Variants in M1AP observed in about 807,000 individuals in gnomAD.
M1AP encodes meiosis 1 associated protein.
A neutral mutation model predicts 51.2 loss-of-function variants in M1AP; 39 were observed. The observed-to-expected ratio is 0.76, with a 90% confidence interval of 0.59 to 1.00. The LOEUF (loss-of-function observed/expected upper bound fraction) is 1.00. Among genes scored for constraint, M1AP ranks in the 50% least tolerant of loss-of-function variants. M1AP has a pLI of 0.00. For synonymous variants in M1AP, 251 were observed against 249.2 expected (o/e 1.01, Z -0.07); for missense variants, 545 against 641.2 (o/e 0.85, Z 1.62).
intron 1 of M1AP, among the ~76,000 whole-genome samples, chr2:74,640,903 A>G (rs1285276975): frequency 6.6e-6 from 1 of 152,228 alleles, no homozygotes; most frequent in African/African-American, 2.4e-5. Flanking sequence ...ATCTGCCCTC[A>G]TAAACTTTGT....
intron 8 of M1AP, chr2:74,561,785 G>T: frequency 1.8e-6 from 1 of 571,032 alleles, no homozygotes; most frequent in Non-Finnish European, 2.2e-6. Flanking sequence ...AGCTGGACCT[G>T]CTGGTGTTGT....
rs780156712 is a variant in M1AP at position 74,562,288 on chromosome 2, C to T, written c.1210G>A (p.Glu404Lys). 6 of 1,614,210 alleles carry T rather than the reference C, an allele frequency of 3.7e-6. No individual in the cohort carries two copies. The South Asian group carries it at 6.6e-5, about 18-fold the overall frequency. ...TLLVKAVATRELMLPSTFPLL... is the reference protein window; with the variant it reads ...TLLVKAVATRKLMLPSTFPLL... Reference sequence around the variant, plus strand: ...GGGAAGGTGCTGGGCAGCATCAGTTCCCGCGTGGCCACCGCCTTTACCAGC... The same window carrying T: ...GGGAAGGTGCTGGGCAGCATCAGTTTCCGCGTGGCCACCGCCTTTACCAGC... Residue 404 changes from glutamate to lysine, a missense_variant, in exon 8 of 11, where the codon GAA becomes AAA. Glu to Lys is a moderately conservative substitution (Grantham distance 56). Transcript: ENST00000421985.
intron 7 of M1AP, among the ~76,000 whole-genome samples, chr2:74,569,941 T>C (rs985404219): frequency 6.6e-6 from 1 of 151,124 alleles, no homozygotes; most frequent in Non-Finnish European, 1.5e-5. Context: ...TGTGAAAGGT[T>C]CTAGGAACAG....
chr2:74,634,486 C>T (rs961050048), intron 2 of M1AP, among the ~76,000 whole-genome samples: 1 of 152,146 alleles, frequency 6.6e-6, no homozygotes, highest in Admixed American at 6.5e-5. Flanking sequence ...TTCTAATTAG[C>T]CCATCACATC....
chr2:74,584,805 C>CATATAT (rs57709358), intron 4 of M1AP, among the ~76,000 whole-genome samples: 2,828 of 139,204 alleles, frequency 0.02, 48 homozygotes, highest in African/African-American at 0.056. Flanking sequence ...ATGTTATTGC[C>CATATAT]ATATATATAT....
At chr2:74,582,786 T>C (rs903422576) in intron 4 of M1AP, among the ~76,000 whole-genome samples, 9 of 152,136 alleles carry the variant, frequency 5.9e-5, no homozygotes, top group African/African-American at 1.9e-4. Flanking sequence ...CTTGGGAGGC[T>C]GAGGTGGGTG....
intron 1 of M1AP, among the ~76,000 whole-genome samples, chr2:74,641,243 T>C (rs959303584): frequency 2.0e-5 from 3 of 152,226 alleles, no homozygotes; most frequent in African/African-American, 7.2e-5. Context: ...TATATTCACT[T>C]TAGTGCATTT....
intron 2 of M1AP, among the ~76,000 whole-genome samples, chr2:74,616,379 C>T (rs1487864790): frequency 2.0e-5 from 3 of 152,168 alleles, no homozygotes; most frequent in Non-Finnish European, 2.9e-5. Context: ...TATAATATAA[C>T]TCTTCAAAAC....
Position 74,581,589 on chromosome 2 carries a change from A to T in M1AP, c.769+85T>A. On this transcript the variant is annotated intron_variant, in intron 5 of 10. Transcript: ENST00000421985. ...CCAGTCCCTAAACCTCAACGATGCT[A>T]TATTCCACTGACTCACCACCAATCT... The T allele has an allele frequency of 2.2e-6, 3 of 1,339,674 alleles. No individual in the cohort carries two copies. In the South Asian group the frequency reaches 4.0e-5, roughly 18 times the overall value. 83.0% of individuals were successfully genotyped at this position (1,339,674 alleles called of 1,614,324 possible).
chr2:74,592,031 T>C (rs1680075250), intron 4 of M1AP, among the ~76,000 whole-genome samples: 1 of 152,048 alleles, frequency 6.6e-6, no homozygotes, highest in Admixed American at 6.6e-5. Context: ...CTCGAACTAC[T>C]GACCTAAGTG....
At chr2:74,620,688 A>G (rs3025979) in intron 2 of M1AP, 13,801 of 216,112 alleles carry the variant, frequency 0.064, 1,495 homozygotes, top group African/African-American at 0.26. Flanking sequence ...TGCCTGGTAC[A>G]GTTTTTTATC....
chr2:74,644,998 G>A (rs1377238317), intron 1 of M1AP, among the ~76,000 whole-genome samples: 1 of 152,116 alleles, frequency 6.6e-6, no homozygotes, highest in Admixed American at 6.5e-5. Context: ...CTTCCACACT[G>A]TGGAAGCTTT....
At position 74,565,821 on chromosome 2, in the gene M1AP, G is replaced by A. The variant is rs974670076; in HGVS notation, c.1075-3398C>T. On this transcript the variant is annotated intron_variant, in intron 7 of 10. Transcript: ENST00000421985. ...TCCAGCCTGGGCAACAGAGTGAGATGCCGTCACACACACACACACACACAC... is the reference window on the plus strand; with the variant it reads ...TCCAGCCTGGGCAACAGAGTGAGATACCGTCACACACACACACACACACAC... Among the ~76,000 whole-genome samples, 15 of 104,682 alleles carry A rather than the reference G, an allele frequency of 1.4e-4. No individual in the cohort carries two copies. In the Admixed American group the frequency reaches 1.8e-3, roughly 12 times the overall value. 68.7% of individuals were successfully genotyped at this position (104,682 alleles called of 152,430 possible).
At chr2:74,576,074 G>T (rs546563932) in intron 6 of M1AP, among the ~76,000 whole-genome samples, 1 of 152,330 alleles carries the variant, frequency 6.6e-6, no homozygotes, top group Admixed American at 6.5e-5. Flanking sequence ...AGTACTTAGA[G>T]AAATGGGAGG....
intron 4 of M1AP, among the ~76,000 whole-genome samples, chr2:74,597,647 T>C (rs1234905805): frequency 1.3e-5 from 2 of 152,226 alleles, no homozygotes; most frequent in East Asian, 1.9e-4. Context: ...ATTAAACAGA[T>C]GGTTTGCGAG....
At chr2:74,594,506 AAGAT>A (rs1409009016) in intron 4 of M1AP, among the ~76,000 whole-genome samples, 1 of 152,196 alleles carries the variant, frequency 6.6e-6, no homozygotes. Context: ...AAGTCCTAGA[AAGAT>A]AGAGAGAAAG....
intron 7 of M1AP, 36 bp downstream of exon 7, chr2:74,575,402 G>T: frequency 6.2e-7 from 1 of 1,612,408 alleles, no homozygotes; most frequent in South Asian, 1.1e-5. Context: ...CTTTAAAAAC[G>T]ATTCTTCTTT....
At chr2:74,579,717 G>A (rs772626092) in intron 5 of M1AP, among the ~76,000 whole-genome samples, 17 of 151,974 alleles carry the variant, frequency 1.1e-4, no homozygotes, top group Non-Finnish European at 2.4e-4. Context: ...TCTCGATACA[G>A]GTAAAATACT....
chr2:74,604,673 C>T (rs1216382898), intron 4 of M1AP, among the ~76,000 whole-genome samples: 2 of 152,156 alleles, frequency 1.3e-5, no homozygotes, highest in Non-Finnish European at 2.9e-5. Context: ...TTGGAGATCC[C>T]TGCTCTAAGA....
Sources: gnomAD v4.1 joint callset for allele counts (sites outside exome capture counted in the v4.1 genomes callset) on GRCh38, gnomAD v4.1.1 for gene constraint, MANE v1.5 for transcripts, NCBI Gene and HGNC (gene_info 2026-07-23, HGNC 2026-07-21) for gene names.